ZMYND11: variants seen among roughly 807,000 people sequenced by gnomAD.
ZMYND11 encodes the protein zinc finger MYND domain-containing protein 11.
In ZMYND11, 9 loss-of-function variants were observed where a neutral mutation model predicts 84.9. The ratio of observed to expected loss-of-function variants is 0.11; its 90% CI spans 0.06 to 0.18. The LOEUF (loss-of-function observed/expected upper bound fraction) is 0.18. ZMYND11 is among the 10% of genes least tolerant of loss of function. The probability of loss-of-function intolerance (pLI) is 1.00; values close to 1 mark genes in which losing one functional copy is unlikely to be tolerated. For missense variants in ZMYND11, 409 were observed against 761.0 expected (o/e 0.54, Z 5.44); for synonymous variants, 250 against 244.1 (o/e 1.02, Z -0.23).
chr10:202,832 C>A (rs1312691548), intron 2 of ZMYND11, among the ~76,000 whole-genome samples: 1 of 152,142 alleles, frequency 6.6e-6, no homozygotes, highest in Non-Finnish European at 1.5e-5. Context: ...CATGCTAGGA[C>A]TAACAACAAA....
intron 1 of ZMYND11, among the ~76,000 whole-genome samples, chr10:136,120 G>A (rs1315516302): frequency 3.3e-5 from 5 of 152,064 alleles, no homozygotes; most frequent in Admixed American, 2.0e-4. Context: ...GAGCGACCCC[G>A]GCAGCGAGGC....
At chr10:148,714 G>C (rs965223135) in intron 1 of ZMYND11, 1 of 152,238 alleles carries the variant, frequency 6.6e-6, no homozygotes, top group South Asian at 2.1e-4. Context: ...AGCCTCCCTG[G>C]GCTTGGTGCT....
chr10:243,297 C>T (rs1034192489), intron 10 of ZMYND11, among the ~76,000 whole-genome samples: 10 of 152,102 alleles, frequency 6.6e-5, no homozygotes, highest in Admixed American at 4.6e-4. Context: ...TTTTATAATA[C>T]AACAGATATT....
intron 2 of ZMYND11, among the ~76,000 whole-genome samples, chr10:184,319 T>C (rs1004194681): frequency 1.3e-5 from 2 of 152,200 alleles, no homozygotes; most frequent in Admixed American, 6.5e-5. Flanking sequence ...CACACATCCT[T>C]ATTTAGTTTG....
chr10:201,711 A>G (rs1943200118), intron 2 of ZMYND11, among the ~76,000 whole-genome samples: 1 of 151,948 alleles, frequency 6.6e-6, no homozygotes, highest in Non-Finnish European at 1.5e-5. Context: ...GTCCCATGGA[A>G]GCTCGCACCC....
Position 252,264 on chromosome 10 carries a change from A to G in ZMYND11, c.1687-84A>G. 6.7e-7 allele frequency: 1 copy of G among 1,490,722 alleles called. No individual in the cohort carries two copies. Among genetic ancestry groups the G allele is most frequent in the Non-Finnish European group, 9.1e-7 (1 of 1,093,934 alleles). 92.3% of individuals were successfully genotyped at this position (1,490,722 alleles called of 1,614,324 possible). On this transcript the variant is annotated intron_variant, in intron 14 of 14. Transcript: ENST00000381604. This position sits in a 1 kb window ranked among gnomAD's most constrained non-coding sequence, Gnocchi z 4.6. ...TGAGCCAGAAAGATCTTTTAAAAGC[A>G]CCACCTCAAGAGTTTGCCATTTTAA... is the stretch of plus-strand genomic sequence containing the variant.
At chr10:249,548 T>C (rs1447163001) in intron 14 of ZMYND11, 1 of 984,864 alleles carries the variant, frequency 1.0e-6, no homozygotes. Flanking sequence ...TTTTACTTTA[T>C]AGTAGTGACA....
intron 1 of ZMYND11, chr10:154,700 A>G (rs1392506720): frequency 1.3e-5 from 2 of 152,228 alleles, no homozygotes; most frequent in Non-Finnish European, 2.9e-5. Flanking sequence ...CAGCTTTTCT[A>G]TATCAGGATT....
intron 2 of ZMYND11, among the ~76,000 whole-genome samples, chr10:205,638 C>T (rs7914050): frequency 0.052 from 7,879 of 151,930 alleles, 314 homozygotes; most frequent in African/African-American, 0.11. Flanking sequence ...TGCAGTGAGC[C>T]ATGATTGTGC....
At position 187,035 on chromosome 10, in the gene ZMYND11, C is replaced by T. The variant is rs529714810; in HGVS notation, c.116+6907C>T. Among the ~76,000 whole-genome samples the T allele has an allele frequency of 2.0e-5, 3 of 152,038 alleles. No homozygotes were observed. The East Asian group carries it at 5.8e-4, about 29-fold the overall frequency. On this transcript the variant is annotated intron_variant, in intron 2 of 14. Transcript: ENST00000381604. Reference sequence around the variant, plus strand: ...TTGAGAGTAGGAGTTTGAGAACAGCCTGAGCAACATATTGAGACCCTATCT... The same window carrying T: ...TTGAGAGTAGGAGTTTGAGAACAGCTTGAGCAACATATTGAGACCCTATCT...
At chr10:152,576 C>T (rs181423050) in intron 1 of ZMYND11, among the ~76,000 whole-genome samples, 6 of 152,114 alleles carry the variant, frequency 3.9e-5, no homozygotes, top group Non-Finnish European at 7.3e-5. Flanking sequence ...TCCTTAGAGA[C>T]CTACAAAAAG....
intron 4 of ZMYND11, among the ~76,000 whole-genome samples, chr10:229,336 C>G (rs1352801874): frequency 2.6e-5 from 4 of 152,126 alleles, no homozygotes; most frequent in African/African-American, 9.7e-5. Flanking sequence ...TTGAGACGTT[C>G]TTAGTAGTTT....
At chr10:232,295 C>T (rs548384790) in intron 4 of ZMYND11, among the ~76,000 whole-genome samples, 1 of 152,302 alleles carries the variant, frequency 6.6e-6, no homozygotes, top group East Asian at 1.9e-4. Flanking sequence ...TTAGAAATCC[C>T]CAGAAATCTC....
chr10:141,228 AAT>A (rs2131138552), intron 1 of ZMYND11, among the ~76,000 whole-genome samples: 1 of 152,272 alleles, frequency 6.6e-6, no homozygotes, highest in Non-Finnish European at 1.5e-5. Flanking sequence ...ATATAAGGAG[AAT>A]ATATGCAATT....
chr10:132,286 T>C (rs187460748), upstream of ZMYND11, among the ~76,000 whole-genome samples: 58 of 148,520 alleles, frequency 3.9e-4, 1 homozygote, highest in East Asian at 0.011. Context: ...ATATGTAATA[T>C]AATATATATA....
At position 200,446 on chromosome 10, in the gene ZMYND11, G is replaced by A. The variant is rs375855118; in HGVS notation, c.117-9443G>A. Among the ~76,000 whole-genome samples, 13 of 148,414 alleles carry A rather than the reference G, an allele frequency of 8.8e-5. No homozygotes were observed. In the East Asian group the frequency reaches 1.6e-3, roughly 18 times the overall value. On this transcript the variant is annotated intron_variant, in intron 2 of 14. Coordinates refer to ENST00000381604, the MANE Select transcript of ZMYND11 (RefSeq NM_001370100.5). ...AATATATGTTATAATAAATATGTGT[G>A]TATATATTTATTTTTTAGAGACAGG...
chr10:168,487 T>G (rs879978890), intron 1 of ZMYND11, among the ~76,000 whole-genome samples: 9 of 152,032 alleles, frequency 5.9e-5, no homozygotes, highest in Non-Finnish European at 1.2e-4. Flanking sequence ...GTATCACATT[T>G]TGTTGGAGAA....
intron 7 of ZMYND11, 91 bp from the exon 8 acceptor site, chr10:239,965 C>A: frequency 9.1e-7 from 1 of 1,098,442 alleles, no homozygotes; most frequent in Non-Finnish European, 1.3e-6. Context: ...TGGTAGATGT[C>A]TACTTTTGCA....
At chr10:200,205 G>GGTGTGTGTGCGTGTGTGT (rs1554774406) in intron 2 of ZMYND11, among the ~76,000 whole-genome samples, 1 of 132,434 alleles carries the variant, frequency 7.6e-6, no homozygotes, top group African/African-American at 2.8e-5. Context: ...GCCTGGCTAG[G>GGTGTGTGTGCGTGTGTGT]GTGTGTGTGT....
Sources: gnomAD v4.1 joint callset for allele counts (sites outside exome capture counted in the v4.1 genomes callset) on GRCh38, gnomAD v4.1.1 for gene constraint, Gnocchi (gnomAD v3.1) non-coding constraint, MANE v1.5 for transcripts, NCBI Gene and HGNC (gene_info 2026-07-23, HGNC 2026-07-21) for gene names.